DRC1: variants seen among roughly 807,000 people sequenced by gnomAD.
DRC1 encodes dynein regulatory complex subunit 1, also known as dynein regulatory complex protein 1.
Under a neutral mutation model 98.7 loss-of-function variants are expected in DRC1, and 74 were observed. That is an observed-to-expected ratio of 0.75 (90% confidence interval 0.62 to 0.91). The LOEUF is 0.91. Among genes scored for constraint, DRC1 ranks in the 40% least tolerant of loss-of-function variants. The pLI, the probability that DRC1 is intolerant of heterozygous loss-of-function variation, is 0.00. For missense variants in DRC1, 875 were observed against 886.0 expected, an observed-to-expected ratio of 0.99 and a Z score of 0.16; for synonymous variants, 336 against 334.1, an observed-to-expected ratio of 1.01 and a Z score of -0.06.
intron 2 of DRC1, among the ~76,000 whole-genome samples, chr2:26,420,916 A>G (rs956340256): frequency 7.2e-5 from 11 of 151,914 alleles, no homozygotes; most frequent in African/African-American, 2.7e-4. Flanking sequence ...GGCACCCGCC[A>G]CCATGCCTGG....
chr2:26,418,139 G>T (rs1313420685), intron 2 of DRC1, among the ~76,000 whole-genome samples: 1 of 151,918 alleles, frequency 6.6e-6, no homozygotes, highest in Non-Finnish European at 1.5e-5. Context: ...AACCCCCATT[G>T]TCCCCTCTAG....
rs577735992 is a variant in DRC1 at position 26,445,347 on chromosome 2, C to T, written c.1396+399C>T. 3.9e-5 allele frequency among the ~76,000 whole-genome samples: 6 copies of T among 152,262 alleles called. No homozygotes were observed. The East Asian group carries it at 9.6e-4, about 24-fold the overall frequency. On this transcript the variant is annotated intron_variant, in intron 10 of 16. Coordinates refer to ENST00000288710, the MANE Select transcript of DRC1 (RefSeq NM_145038.5). The stretch of plus-strand genomic sequence containing the variant: ...TGTGTCTTTATTTAACAGAATACTT[C>T]TTAAAAGAAAATCTTCCCTTCCTCA...
intron 1 of DRC1, among the ~76,000 whole-genome samples, chr2:26,412,179 A>G (rs1200800746): frequency 6.6e-6 from 1 of 152,174 alleles, no homozygotes; most frequent in African/African-American, 2.4e-5. Flanking sequence ...ACTAGGTAGG[A>G]TTGTCCTGGA....
rs781775889 is a variant in DRC1 at position 26,401,965 on chromosome 2, C to T, written c.-25C>T. The stretch of plus-strand genomic sequence containing the variant: ...GGTCTGGAGGTGGTGCGGAGGGAGC[C>T]GCCTAGGGACCAGGGACTCCTGCCA... On this transcript the variant is annotated 5_prime_UTR_variant, in exon 1 of 17. Transcript: ENST00000288710. 10 of 1,576,424 alleles carry T rather than the reference C, an allele frequency of 6.3e-6. No homozygotes were observed. The highest frequency in any genetic ancestry group is 1.8e-5 in the Admixed American group (1 of 54,504).
rs1181807942 is a variant in DRC1, at chr2:26,447,622, A to AGTG, written c.1397-1065_1397-1063dup. Among the ~76,000 whole-genome samples the AGTG allele has an allele frequency of 3.3e-5, 5 of 151,452 alleles. No individual in the cohort carries two copies. In the East Asian group the frequency reaches 8.1e-4, roughly 24 times the overall value. On this transcript the variant is annotated intron_variant, in intron 10 of 16. Transcript: ENST00000288710. Reference sequence around the variant, plus strand: ...CACTCTGTTGCCCAGGCTGGAGTGCAGTGGTGCAGTCTTGGCTCACTGCAA... The same window carrying AGTG: ...CACTCTGTTGCCCAGGCTGGAGTGCAGTGGTGGTGCAGTCTTGGCTCACTGCAA...
intron 7 of DRC1, among the ~76,000 whole-genome samples, chr2:26,437,525 C>T (rs989994940): frequency 1.3e-5 from 2 of 152,192 alleles, no homozygotes; most frequent in African/African-American, 4.8e-5. Context: ...TGGGCACTTG[C>T]ACCCATGGCC....
At chr2:26,436,142 CT>C (rs1161076114) in intron 7 of DRC1, among the ~76,000 whole-genome samples, 1 of 149,236 alleles carries the variant, frequency 6.7e-6, no homozygotes, top group African/African-American at 2.5e-5. Flanking sequence ...TTTTTTTTCA[CT>C]TTTTAATAAT....
At chr2:26,402,668 T>G (rs890682106) in intron 1 of DRC1, among the ~76,000 whole-genome samples, 12 of 152,234 alleles carry the variant, frequency 7.9e-5, no homozygotes, top group Non-Finnish European at 1.3e-4. Flanking sequence ...CTGTAGAGGA[T>G]GCAAAATGCA....
intron 1 of DRC1, among the ~76,000 whole-genome samples, chr2:26,406,918 A>G (rs892873604): frequency 2.0e-5 from 3 of 148,950 alleles, no homozygotes; most frequent in African/African-American, 5.0e-5. Flanking sequence ...GCTAGACTCA[A>G]GTGATCCCCC....
intron 1 of DRC1, among the ~76,000 whole-genome samples, chr2:26,410,262 A>G (rs1678562457): frequency 6.8e-6 from 1 of 147,834 alleles, no homozygotes; most frequent in South Asian, 2.1e-4. Flanking sequence ...TATTATTATT[A>G]TTATTATTAT....
In DRC1 at chr2:26,408,853, C is replaced by T. The variant is rs534619604; in HGVS notation, c.156-5491C>T. 2.0e-3 allele frequency among the ~76,000 whole-genome samples: 297 copies of T among 152,264 alleles called. 1 individual carries two copies. The highest frequency in any genetic ancestry group is 6.0e-3 in the African/African-American group (250 of 41,548). Reference sequence around the variant, plus strand: ...AAAGCAGCCCGATTAAATCAGCCCACGCTGACATGCACAGTTGTTAAGCCA... The same window carrying T: ...AAAGCAGCCCGATTAAATCAGCCCATGCTGACATGCACAGTTGTTAAGCCA... On this transcript the variant is annotated intron_variant, in intron 1 of 16. Transcript: ENST00000288710.
intron 7 of DRC1, among the ~76,000 whole-genome samples, chr2:26,434,076 T>A (rs1039494201): frequency 6.6e-6 from 1 of 152,260 alleles, no homozygotes. Flanking sequence ...AGATATAACA[T>A]GCAGCTCAAC....
intron 7 of DRC1, among the ~76,000 whole-genome samples, chr2:26,439,936 T>TACAC (rs1553342452): frequency 5.2e-4 from 39 of 75,414 alleles, no homozygotes; most frequent in African/African-American, 1.4e-3. Context: ...TATATATATA[T>TACAC]ACACACACAC....
At chr2:26,436,060 T>TTACCTTCTACAA (rs1420645622) in intron 7 of DRC1, among the ~76,000 whole-genome samples, 3 of 152,190 alleles carry the variant, frequency 2.0e-5, no homozygotes, top group Non-Finnish European at 2.9e-5. Context: ...CCTGAACTAA[T>TTACCTTCTACAA]TTACCTTCCC....
intron 8 of DRC1, among the ~76,000 whole-genome samples, chr2:26,442,823 T>A (rs559749409): frequency 6.6e-6 from 1 of 152,306 alleles, no homozygotes. Context: ...ACTCTGGACT[T>A]TTTTTGTTGA....
chr2:26,444,455 G>T, intron 9 of DRC1, 99 bp downstream of exon 9: 1 of 1,491,270 alleles, frequency 6.7e-7, no homozygotes. Flanking sequence ...GATGTCACCA[G>T]CTATTCTGGG....
At chr2:26,438,772 T>G (rs956942462) in intron 7 of DRC1, among the ~76,000 whole-genome samples, 9 of 152,164 alleles carry the variant, frequency 5.9e-5, no homozygotes, top group Non-Finnish European at 1.2e-4. Flanking sequence ...TCACTTCCTC[T>G]GTCGATTCCT....
intron 3 of DRC1, 53 bp downstream of exon 3, chr2:26,421,453 T>C: frequency 2.7e-6 from 4 of 1,485,148 alleles, no homozygotes; most frequent in Non-Finnish European, 3.7e-6. Flanking sequence ...TCTCCATGGG[T>C]CCGGCAGTTC....
At chr2:26,429,234 G>A (rs1442514024) in intron 4 of DRC1, among the ~76,000 whole-genome samples, 1 of 147,320 alleles carries the variant, frequency 6.8e-6, no homozygotes, top group African/African-American at 2.5e-5. Context: ...TATTATTATT[G>A]AGACAGGATC....
Sources: allele counts gnomAD v4.1 joint callset (sites outside exome capture counted in the v4.1 genomes callset), GRCh38; gene constraint gnomAD v4.1.1; transcripts MANE v1.5; gene names NCBI Gene and HGNC (gene_info 2026-07-23, HGNC 2026-07-21).